Variants in CSMD3 observed in about 807,000 individuals in gnomAD.
The protein encoded by CSMD3 is CUB and Sushi multiple domains 3.
A neutral mutation model predicts 435.2 loss-of-function variants in CSMD3; 177 were observed. That is an observed-to-expected ratio of 0.41 (90% CI 0.36 to 0.46). The LOEUF (loss-of-function observed/expected upper bound fraction) is 0.46. Among genes scored for constraint, CSMD3 ranks in the 20% least tolerant of loss-of-function variants. The pLI, the probability that CSMD3 is intolerant of heterozygous loss-of-function variation, is 0.34. For missense variants in CSMD3, 4,265 were observed against 4,504.6 expected (o/e 0.95, Z 1.52); for synonymous variants, 1,656 against 1,520.5 (o/e 1.09, Z -2.07).
intron 5 of CSMD3, among the ~76,000 whole-genome samples, chr8:113,097,727 A>G (rs954752962): frequency 6.6e-6 from 1 of 152,052 alleles, no homozygotes; most frequent in Non-Finnish European, 1.5e-5. Context: ...ACAAATCTCA[A>G]TATTTACAGG....
intron 32 of CSMD3, among the ~76,000 whole-genome samples, chr8:112,459,418 A>G (rs976974735): frequency 1.1e-4 from 16 of 151,522 alleles, no homozygotes; most frequent in African/African-American, 3.9e-4. Flanking sequence ...TTTAATCAGT[A>G]TGACGTGGGT....
chr8:113,208,418 G>A (rs2092795647), intron 3 of CSMD3, among the ~76,000 whole-genome samples: 1 of 152,090 alleles, frequency 6.6e-6, no homozygotes, highest in Admixed American at 6.6e-5. Context: ...TCTGTAGATT[G>A]GATGTACAGA....
chr8:112,534,856 G>A (rs994262335), intron 27 of CSMD3, among the ~76,000 whole-genome samples: 11 of 152,054 alleles, frequency 7.2e-5, no homozygotes, highest in Non-Finnish European at 1.0e-4. Context: ...TTCATCCCTG[G>A]GATGCAAGGC....
intron 57 of CSMD3, 33 bp downstream of exon 57, chr8:112,289,332 C>T (rs1339850757): frequency 5.7e-6 from 9 of 1,572,436 alleles, no homozygotes; most frequent in Non-Finnish European, 7.9e-6. Flanking sequence ...AATGTAATTT[C>T]CAACACATAT....
intron 22 of CSMD3, among the ~76,000 whole-genome samples, chr8:112,613,866 T>C (rs937698634): frequency 6.6e-5 from 10 of 152,180 alleles, no homozygotes; most frequent in African/African-American, 2.4e-4. Flanking sequence ...CTCATGACTG[T>C]AATCCCAGCA....
At position 112,506,727 on chromosome 8, in the gene CSMD3, A is replaced by G. The variant is rs144390358; in HGVS notation, c.4859T>C (p.Val1620Ala). 5.7e-5 allele frequency: 92 copies of G among 1,613,742 alleles called. No individual in the cohort carries two copies. The highest frequency in any genetic ancestry group is 7.6e-5 in the Non-Finnish European group (90 of 1,179,688). ...CAAGGAGATAACATAGTCTGCATTG[A>G]CGGTGATAGTCCAGTCACAGTCTCT... ...HSRDCDWTIT[V>A]NADYVISLAF... The change falls in exon 29 of 71, where the codon GTC (valine) becomes GCC (alanine). Residue 1620 changes from valine (V) to alanine (A), a missense_variant. Around this residue, in one of 3 missense-constraint regions of CSMD3, gnomAD observed 3,255 missense variants for 3,380.2 expected, o/e 0.96. Transcript: ENST00000297405.
At position 112,373,025 on chromosome 8, in the gene CSMD3, T is replaced by A. The variant is rs55818235; in HGVS notation, c.6136+7327A>T. Among the ~76,000 whole-genome samples, 465 of 56,866 alleles carry A rather than the reference T, an allele frequency of 8.2e-3. 1 individual carries two copies. Among genetic ancestry groups the A allele is most frequent in the Non-Finnish European group, 0.017 (329 of 19,168 alleles). The allele number at this position is 56,866 out of a possible 152,430, so 37.3% of individuals were successfully genotyped here. A position where few individuals can be genotyped will look rare whatever the true frequency, so the allele number is the denominator to read the frequency against. On this transcript the variant is annotated intron_variant, in intron 38 of 70. Transcript: ENST00000297405. ...ATAAAAATATATATATATATATATT[T>A]TTTTTCTCATGAGTAGAAAAATCAG...
chr8:112,534,603 A>G (rs1234700539), intron 27 of CSMD3, among the ~76,000 whole-genome samples: 1 of 152,160 alleles, frequency 6.6e-6, no homozygotes, highest in Non-Finnish European at 1.5e-5. Context: ...CCAGAGGTAC[A>G]AGGAGGAATT....
intron 32 of CSMD3, among the ~76,000 whole-genome samples, chr8:112,461,079 CAT>C (rs1817398707): frequency 2.6e-5 from 4 of 152,156 alleles, no homozygotes; most frequent in Admixed American, 2.6e-4. Context: ...GTAATTAAAT[CAT>C]ATGAGTCACC....
chr8:112,674,246 C>T (rs927655936), intron 16 of CSMD3, among the ~76,000 whole-genome samples: 1 of 152,042 alleles, frequency 6.6e-6, no homozygotes, highest in Non-Finnish European at 1.5e-5. Context: ...TATATCTTGT[C>T]CTCTTCCTTT....
At chr8:112,894,137 T>C (rs1388257042) in intron 10 of CSMD3, among the ~76,000 whole-genome samples, 4 of 151,408 alleles carry the variant, frequency 2.6e-5, no homozygotes, top group African/African-American at 7.3e-5. Flanking sequence ...ATTTCAGAAA[T>C]TTTTACTTAC....
chr8:112,685,870 A>T, intron 14 of CSMD3, 138 bp from the exon 15 acceptor site: 1 of 665,068 alleles, frequency 1.5e-6, no homozygotes, highest in South Asian at 2.1e-5. Flanking sequence ...AAAACAGAAC[A>T]AAACGGTTAC....
intron 13 of CSMD3, among the ~76,000 whole-genome samples, chr8:112,796,027 G>C (rs2078820372): frequency 6.6e-6 from 1 of 152,100 alleles, no homozygotes; most frequent in South Asian, 2.1e-4. Flanking sequence ...GTGTGGTTGT[G>C]CATGTGCACG....
At chr8:112,885,935 T>C (rs1160266139) in intron 10 of CSMD3, among the ~76,000 whole-genome samples, 1 of 151,690 alleles carries the variant, frequency 6.6e-6, no homozygotes, top group Non-Finnish European at 1.5e-5. Context: ...ATGAATCTTT[T>C]CTGCTAAGAG....
At chr8:112,366,645 G>A (rs535195734) in intron 38 of CSMD3, among the ~76,000 whole-genome samples, 10 of 152,182 alleles carry the variant, frequency 6.6e-5, no homozygotes, top group South Asian at 2.1e-4. Flanking sequence ...TGATTTGCCC[G>A]CCTTGGCCTC....
In CSMD3 at chr8:113,314,782, T is replaced by C; in HGVS notation, c.190A>G (p.Thr64Ala). Residue 64 changes from threonine (T) to alanine (A), a missense_variant, in exon 2 of 71, where the codon ACA becomes GCA. Coordinates refer to ENST00000297405, the MANE Select transcript of CSMD3 (RefSeq NM_198123.2). ...AGTCCTTTTAAAGTTCCACCACATGTATAAATAAATCCTGCAACAAAAGAC... is the reference window on the plus strand; with the variant it reads ...AGTCCTTTTAAAGTTCCACCACATGCATAAATAAATCCTGCAACAAAAGAC... ...TVSCVKGFIY[T>A]CGGTLKGLNG... 1 of 1,599,634 alleles carries C rather than the reference T, an allele frequency of 6.3e-7. No individual in the cohort carries two copies. The highest frequency in any genetic ancestry group is 8.6e-7 in the Non-Finnish European group (1 of 1,167,418).
At chr8:113,236,782 T>C (rs1185755356) in intron 3 of CSMD3, among the ~76,000 whole-genome samples, 1 of 152,132 alleles carries the variant, frequency 6.6e-6, no homozygotes, top group Non-Finnish European at 1.5e-5. Context: ...TGTGAGCCAA[T>C]TCCTCTAATA....
At chr8:113,378,090 T>C (rs556150907) in intron 1 of CSMD3, among the ~76,000 whole-genome samples, 35 of 152,122 alleles carry the variant, frequency 2.3e-4, no homozygotes, top group Non-Finnish European at 4.7e-4. Flanking sequence ...ATGAGATTAA[T>C]AATAATAATA....
In CSMD3 at chr8:112,337,529, A is replaced by G. The variant is rs769247688; in HGVS notation, c.6841+14T>C. 2.1e-5 allele frequency: 34 copies of G among 1,607,448 alleles called. No individual in the cohort carries two copies. The highest frequency in any genetic ancestry group is 2.7e-5 in the Non-Finnish European group (32 of 1,174,088). Reference sequence around the variant, plus strand: ...TGACATCACCTAAAAGATAGCTTCAAGTTAGAAGCATACCTTCACACCTTG... The same window carrying G: ...TGACATCACCTAAAAGATAGCTTCAGGTTAGAAGCATACCTTCACACCTTG... On this transcript the variant is annotated intron_variant, in intron 43 of 70. Coordinates refer to ENST00000297405, the MANE Select transcript of CSMD3 (RefSeq NM_198123.2).
Sources: allele counts gnomAD v4.1 joint callset (sites outside exome capture counted in the v4.1 genomes callset), GRCh38; gene constraint gnomAD v4.1.1; regional missense constraint gnomAD v4.1.1; transcripts MANE v1.5; gene names NCBI Gene and HGNC (gene_info 2026-07-23, HGNC 2026-07-21).